Variants in ELAVL2 observed in about 807,000 individuals in gnomAD.
The protein encoded by ELAVL2 is ELAV-like protein 2.
In ELAVL2, 4 loss-of-function variants were observed where a neutral mutation model predicts 34.6. That is an observed-to-expected ratio of 0.12 (90% CI 0.06 to 0.26). The LOEUF (loss-of-function observed/expected upper bound fraction) is 0.26, where lower values mean the gene tolerates loss of function less well. Ranked by LOEUF, ELAVL2 falls within the 10% of genes least tolerant of loss-of-function variation. ELAVL2 has a pLI of 1.00. For synonymous variants in ELAVL2, 193 were observed against 154.8 expected (o/e 1.25, Z -1.83); for missense variants, 432 against 442.8 (o/e 0.98, Z 0.22).
At position 23,826,010 on chromosome 9, in the gene ELAVL2, G is replaced by A. The variant is rs2065273101; in HGVS notation, c.-220C>T. ...AGAAATGGCGAAAAAAAATATGAAA[G>A]GGGAGGGGAAACTTAAAAAAGAGTT... On this transcript the variant is annotated 5_prime_UTR_variant, in exon 1 of 7. Coordinates refer to ENST00000397312, the MANE Select transcript of ELAVL2 (RefSeq NM_004432.5). 1 of 152,166 alleles carries A rather than the reference G, an allele frequency of 6.6e-6. No homozygotes were observed. Among genetic ancestry groups the A allele is most frequent in the Admixed American group, 6.5e-5 (1 of 15,292 alleles). 9.4% of individuals were successfully genotyped at this position (152,166 alleles called of 1,614,324 possible).
At chr9:23,705,847 G>A (rs2039156358) in intron 3 of ELAVL2, among the ~76,000 whole-genome samples, 1 of 152,164 alleles carries the variant, frequency 6.6e-6, no homozygotes, top group East Asian at 1.9e-4. Context: ...ATGGCCAGGG[G>A]TTGGGAACAC....
intron 3 of ELAVL2, among the ~76,000 whole-genome samples, chr9:23,718,163 T>G (rs192098534): frequency 1.3e-4 from 20 of 152,270 alleles, no homozygotes; most frequent in Non-Finnish European, 7.4e-5. Context: ...ATCTTTAACG[T>G]ATTTTAAAAA....
At chr9:23,723,964 C>A (rs570616196) in intron 3 of ELAVL2, among the ~76,000 whole-genome samples, 20 of 152,214 alleles carry the variant, frequency 1.3e-4, no homozygotes, top group Admixed American at 1.0e-3. Context: ...TACACAGAAG[C>A]AATACTCACA....
intron 2 of ELAVL2, among the ~76,000 whole-genome samples, chr9:23,733,186 A>AC (rs2047014490): frequency 6.6e-6 from 1 of 151,230 alleles, no homozygotes; most frequent in African/African-American, 2.4e-5. Flanking sequence ...AAAAAAAAAA[A>AC]AAAAAACTAA....
chr9:23,704,752 T>G lies in ELAVL2; in HGVS notation c.487+166A>C, dbSNP rs139862054. On this transcript the variant is annotated intron_variant, in intron 4 of 6. Coordinates refer to ENST00000397312, the MANE Select transcript of ELAVL2 (RefSeq NM_004432.5). Reference sequence around the variant, plus strand: ...GCTCACTATACTCCACAATCTATTTTTATCCATGCATATTTATGAACAATT... The same window carrying G: ...GCTCACTATACTCCACAATCTATTTGTATCCATGCATATTTATGAACAATT... 7.0e-3 allele frequency among the ~76,000 whole-genome samples: 1,070 copies of G among 152,282 alleles called. 20 individuals carry two copies. The highest frequency in any genetic ancestry group is 0.025 in the African/African-American group (1,027 of 41,564).
intron 1 of ELAVL2, among the ~76,000 whole-genome samples, chr9:23,773,891 T>C (rs1018146236): frequency 2.0e-5 from 3 of 152,006 alleles, no homozygotes; most frequent in African/African-American, 2.4e-5. Flanking sequence ...CAAAACAAGA[T>C]GTCTCTTAAA....
At chr9:23,802,735 C>T (rs1177813393) in intron 1 of ELAVL2, among the ~76,000 whole-genome samples, 3 of 152,186 alleles carry the variant, frequency 2.0e-5, no homozygotes, top group Non-Finnish European at 4.4e-5. Flanking sequence ...TTATATGTGA[C>T]ACTTGCTTCT....
chr9:23,814,660 A>C (rs1317353177), intron 1 of ELAVL2, among the ~76,000 whole-genome samples: 1 of 152,104 alleles, frequency 6.6e-6, no homozygotes, highest in Non-Finnish European at 1.5e-5. Flanking sequence ...TCAAATAGAA[A>C]TAGGCCTTAC....
rs2033149007 is a variant in ELAVL2 at position 23,691,443 on chromosome 9, T to C, written c.*1114A>G. 6.6e-6 allele frequency: 1 copy of C among 152,592 alleles called. No individual in the cohort carries two copies. The highest frequency in any genetic ancestry group is 2.1e-4 in the South Asian group (1 of 4,826). 9.5% of individuals were successfully genotyped at this position (152,592 alleles called of 1,614,324 possible). On this transcript the variant is annotated 3_prime_UTR_variant, in exon 7 of 7. Transcript: ENST00000397312. ...TTTTTTCCTTAAGACAAAACAATTC[T>C]TCAAACAATACTGCAAGTACATCAC...
chr9:23,718,845 C>A (rs971457612), intron 3 of ELAVL2, among the ~76,000 whole-genome samples: 1 of 152,136 alleles, frequency 6.6e-6, no homozygotes, highest in African/African-American at 2.4e-5. Context: ...AACTGATTTG[C>A]AAGACTAATA....
At chr9:23,747,602 T>C (rs1588047165) in intron 2 of ELAVL2, among the ~76,000 whole-genome samples, 1 of 152,160 alleles carries the variant, frequency 6.6e-6, no homozygotes, top group East Asian at 1.9e-4. Flanking sequence ...GTAGAAGACC[T>C]TCCTCATCTC....
chr9:23,850,497 C>G, the ELAVL2 span, among the ~76,000 whole-genome samples: 1 of 152,060 alleles, frequency 6.6e-6, no homozygotes, highest in Non-Finnish European at 1.5e-5. Context: ...CTGCCTCTTT[C>G]GAGCTGCACA....
At chr9:23,764,970 A>T (rs2055902247) in intron 1 of ELAVL2, 2 of 1,598,338 alleles carry the variant, frequency 1.3e-6, no homozygotes, top group African/African-American at 2.7e-5. Context: ...ACATGCTAAA[A>T]AAAAGTAGCC....
chr9:23,801,143 TTC>T (rs1453826670), intron 1 of ELAVL2, among the ~76,000 whole-genome samples: 2 of 152,180 alleles, frequency 1.3e-5, no homozygotes, highest in Non-Finnish European at 2.9e-5. Flanking sequence ...TCTCAAAACT[TTC>T]TGTTTGGAAG....
intron 3 of ELAVL2, among the ~76,000 whole-genome samples, chr9:23,715,687 C>T (rs1047930814): frequency 6.6e-6 from 1 of 152,154 alleles, no homozygotes; most frequent in African/African-American, 2.4e-5. Flanking sequence ...TCAAGATAAC[C>T]ATGGCAACTT....
chr9:23,748,492 C>T (rs2051071364), intron 2 of ELAVL2, among the ~76,000 whole-genome samples: 1 of 152,098 alleles, frequency 6.6e-6, no homozygotes, highest in Admixed American at 6.5e-5. Context: ...CTTTCTGACC[C>T]ACTGTACATA....
rs146455165 is a variant in ELAVL2 at position 23,767,223 on chromosome 9, A to G, written c.-15-4974T>C. Among the ~76,000 whole-genome samples, 493 of 152,314 alleles carry G rather than the reference A, an allele frequency of 3.2e-3. 5 individuals are homozygous for G. The highest frequency in any genetic ancestry group is 0.011 in the African/African-American group (470 of 41,578). On this transcript the variant is annotated intron_variant, in intron 1 of 6. Transcript: ENST00000397312. ...AGCCATAAAGACTTCTAAACTTTTT[A>G]TTTAAATAATCCTTTATGAATTTTA...
intron 5 of ELAVL2, among the ~76,000 whole-genome samples, chr9:23,696,868 C>T (rs562805587): frequency 2.6e-4 from 40 of 151,544 alleles, no homozygotes; most frequent in African/African-American, 9.0e-4. Flanking sequence ...TGGATGATAA[C>T]GTAGTACATA....
At position 23,692,452 on chromosome 9, in the gene ELAVL2, A is replaced by T; in HGVS notation, c.*105T>A. The T allele has an allele frequency of 8.3e-7, 1 of 1,203,294 alleles. No individual in the cohort carries two copies. 74.5% of individuals were successfully genotyped at this position (1,203,294 alleles called of 1,614,324 possible). A position where few individuals can be genotyped will look rare whatever the true frequency, so the allele number is the denominator to read the frequency against. ...GATGCTAAGTAGTCATTTTATCCCC[A>T]TCTCAACACTGACTTACAAAGACAT... On this transcript the variant is annotated 3_prime_UTR_variant, in exon 7 of 7. Transcript: ENST00000397312.
Sources: gnomAD v4.1 joint callset for allele counts (sites outside exome capture counted in the v4.1 genomes callset) on GRCh38, gnomAD v4.1.1 for gene constraint, MANE v1.5 for transcripts, NCBI Gene and HGNC (gene_info 2026-07-23, HGNC 2026-07-21) for gene names.